ARHGEF3: variants seen among roughly 807,000 people sequenced by gnomAD.
ARHGEF3 encodes the protein 59.8 kDA protein.
A neutral mutation model predicts 63.2 loss-of-function variants in ARHGEF3; 28 were observed. The observed-to-expected ratio is 0.44, with a 90% confidence interval of 0.33 to 0.61. The LOEUF is 0.61. Ranked by LOEUF, ARHGEF3 falls within the 20% of genes least tolerant of loss-of-function variation. The pLI, the probability that ARHGEF3 is intolerant of heterozygous loss-of-function variation, is 0.03. For missense variants in ARHGEF3, 533 were observed against 659.3 expected (o/e 0.81, Z 2.10); for synonymous variants, 266 against 254.2 (o/e 1.05, Z -0.44).
upstream of ARHGEF3, among the ~76,000 whole-genome samples, chr3:56,806,060 A>G (rs1044627621): frequency 2.6e-5 from 4 of 152,078 alleles, no homozygotes; most frequent in African/African-American, 7.2e-5. Context: ...TTTAACTTCC[A>G]TCAGTATATA....
At chr3:56,962,740 A>G (rs1700335753) in intron 2 of ARHGEF3, among the ~76,000 whole-genome samples, 1 of 152,204 alleles carries the variant, frequency 6.6e-6, no homozygotes, top group African/African-American at 2.4e-5. Context: ...AGCTCATAAT[A>G]GAAATGGAGA....
intron 2 of ARHGEF3, 150 bp from the exon 3 acceptor site, chr3:56,755,301 CTT>C: frequency 2.3e-6 from 2 of 879,842 alleles, no homozygotes; most frequent in South Asian, 3.4e-5. Context: ...GGGGCATTGT[CTT>C]GAGCCTACGT....
At chr3:56,945,768 T>A (rs1427486669) in intron 3 of ARHGEF3, among the ~76,000 whole-genome samples, 2 of 152,120 alleles carry the variant, frequency 1.3e-5, no homozygotes, top group Non-Finnish European at 2.9e-5. Flanking sequence ...TCTGACAGCT[T>A]TGAAGAGAGT....
chr3:56,829,746 T>C (rs974591476), intron 4 of ARHGEF3, among the ~76,000 whole-genome samples: 1 of 152,370 alleles, frequency 6.6e-6, no homozygotes, highest in Middle Eastern at 3.4e-3. Context: ...GCAGGCTGTC[T>C]TGTCTCTCTG....
intron 4 of ARHGEF3, among the ~76,000 whole-genome samples, chr3:56,815,179 GT>G (rs1176129160): frequency 6.6e-6 from 1 of 151,650 alleles, no homozygotes; most frequent in African/African-American, 2.4e-5. Context: ...AGAAGACATG[GT>G]ATACAATCTG....
At chr3:57,001,219 C>A (rs1297777459) in intron 2 of ARHGEF3, among the ~76,000 whole-genome samples, 1 of 152,228 alleles carries the variant, frequency 6.6e-6, no homozygotes, top group African/African-American at 2.4e-5. Flanking sequence ...GGATTATGGG[C>A]ATGAGCCACT....
At chr3:56,852,648 T>C (rs2108153054) in intron 4 of ARHGEF3, among the ~76,000 whole-genome samples, 1 of 152,098 alleles carries the variant, frequency 6.6e-6, no homozygotes, top group Non-Finnish European at 1.5e-5. Context: ...TTTTGTTTCA[T>C]GGGATTAAAG....
chr3:57,073,966 C>A, intron 1 of ARHGEF3: 1 of 1,614,240 alleles, frequency 6.2e-7, no homozygotes, highest in Non-Finnish European at 8.5e-7. Flanking sequence ...GCAGCCATCT[C>A]TCTTGACATC....
intron 2 of ARHGEF3, among the ~76,000 whole-genome samples, chr3:57,014,449 A>C (rs534640283): frequency 6.6e-6 from 1 of 152,296 alleles, no homozygotes; most frequent in Non-Finnish European, 1.5e-5. Flanking sequence ...AAAGCAGGAA[A>C]TCGAGCCAAA....
chr3:56,843,095 C>A (rs2039370120), intron 4 of ARHGEF3, among the ~76,000 whole-genome samples: 1 of 152,112 alleles, frequency 6.6e-6, no homozygotes, highest in African/African-American at 2.4e-5. Context: ...TCAGAGAGAA[C>A]CAGTTTAGGG....
intron 2 of ARHGEF3, among the ~76,000 whole-genome samples, chr3:57,033,930 A>G (rs1390932619): frequency 6.6e-6 from 1 of 152,012 alleles, no homozygotes; most frequent in Non-Finnish European, 1.5e-5. Context: ...CTGTAATCCC[A>G]GCTACTCAGG....
intron 3 of ARHGEF3, among the ~76,000 whole-genome samples, chr3:56,934,202 C>T (rs553916177): frequency 2.0e-5 from 3 of 152,238 alleles, no homozygotes; most frequent in Non-Finnish European, 2.9e-5. Flanking sequence ...ACTTCACCAA[C>T]GTTGTCCACA....
intron 4 of ARHGEF3, among the ~76,000 whole-genome samples, chr3:56,832,561 C>A (rs1037270621): frequency 2.0e-5 from 3 of 152,164 alleles, no homozygotes; most frequent in African/African-American, 4.8e-5. Flanking sequence ...ATATATCCTA[C>A]CAGTCCATTT....
chr3:56,924,218 T>C (rs964617741), intron 3 of ARHGEF3, among the ~76,000 whole-genome samples: 1 of 152,162 alleles, frequency 6.6e-6, no homozygotes, highest in Admixed American at 6.5e-5. Context: ...GTGTAAAAAA[T>C]AGTTCCTAGC....
intron 2 of ARHGEF3, among the ~76,000 whole-genome samples, chr3:57,014,683 AC>A: frequency 8.7e-6 from 1 of 114,374 alleles, no homozygotes; most frequent in Non-Finnish European, 2.0e-5. Context: ...AAGCTTGTTA[AC>A]TTTTTTTTTT....
chr3:57,011,772 C>A (rs1015191615), intron 2 of ARHGEF3, among the ~76,000 whole-genome samples: 2 of 152,176 alleles, frequency 1.3e-5, no homozygotes, highest in African/African-American at 2.4e-5. Context: ...CACTCCCAAT[C>A]CCTTACAGCT....
At chr3:56,741,525 A>C (rs1367520311) in intron 7 of ARHGEF3, among the ~76,000 whole-genome samples, 16 of 23,798 alleles carry the variant, frequency 6.7e-4, no homozygotes, top group African/African-American at 3.2e-3. Context: ...TTTTTTTTTG[A>C]GATGGAGTCT....
intron 4 of ARHGEF3, among the ~76,000 whole-genome samples, chr3:56,827,752 CAAAAAAAA>C (rs35949919): frequency 8.8e-5 from 6 of 68,420 alleles, no homozygotes; most frequent in African/African-American, 4.0e-4. Context: ...CCTGTCTCTA[CAAAAAAAA>C]AAAAAAAAAA....
chr3:56,854,919 ATGGAG>A (rs1226157486), intron 4 of ARHGEF3, among the ~76,000 whole-genome samples: 1 of 152,188 alleles, frequency 6.6e-6, no homozygotes, highest in Non-Finnish European at 1.5e-5. Flanking sequence ...GGAATCCAAG[ATGGAG>A]TGGTCAGAAA....
Sources: allele counts gnomAD v4.1 joint callset (sites outside exome capture counted in the v4.1 genomes callset), GRCh38; gene constraint gnomAD v4.1.1; transcripts MANE v1.5; gene names NCBI Gene and HGNC (gene_info 2026-07-23, HGNC 2026-07-21).